Variants in HS6ST3 observed in about 807,000 individuals in gnomAD.
HS6ST3 encodes heparan sulfate 6-O-sulfotransferase 3.
In HS6ST3, 12 loss-of-function variants were observed where a neutral mutation model predicts 36.7. The observed-to-expected ratio is 0.33, with a 90% CI of 0.21 to 0.53. HS6ST3 has a LOEUF of 0.53. Ranked by LOEUF, HS6ST3 falls within the 20% of genes least tolerant of loss-of-function variation. HS6ST3 has a pLI of 0.95. For missense variants in HS6ST3, 584 were observed against 640.9 expected, an observed-to-expected ratio of 0.91 and a Z score of 0.96; for synonymous variants, 240 against 257.5, an observed-to-expected ratio of 0.93 and a Z score of 0.65.
chr13:96,618,265 AT>A (rs1227493224), intron 1 of HS6ST3, among the ~76,000 whole-genome samples: 2 of 151,988 alleles, frequency 1.3e-5, no homozygotes, highest in African/African-American at 2.4e-5. Context: ...CACCTGGATA[AT>A]TTTAAATTTT....
intron 1 of HS6ST3, among the ~76,000 whole-genome samples, chr13:96,750,077 G>A (rs1876661616): frequency 6.6e-6 from 1 of 152,036 alleles, no homozygotes; most frequent in Admixed American, 6.6e-5. Context: ...ATTTATCAAT[G>A]TTATCAGTTT....
At chr13:96,104,929 A>G (rs1181134340) in intron 1 of HS6ST3, among the ~76,000 whole-genome samples, 1 of 152,048 alleles carries the variant, frequency 6.6e-6, no homozygotes, top group African/African-American at 2.4e-5. Flanking sequence ...TGCTTGTCTT[A>G]CTGTACTTGC....
intron 1 of HS6ST3, among the ~76,000 whole-genome samples, chr13:96,512,028 G>T (rs998130621): frequency 2.0e-5 from 3 of 152,080 alleles, no homozygotes; most frequent in Non-Finnish European, 4.4e-5. Flanking sequence ...ATTACATCTA[G>T]AAACTCCTTT....
At chr13:96,507,991 T>C (rs1375278185) in intron 1 of HS6ST3, among the ~76,000 whole-genome samples, 1 of 152,110 alleles carries the variant, frequency 6.6e-6, no homozygotes, top group African/African-American at 2.4e-5. Flanking sequence ...GACGAAGAAC[T>C]TTAAGAGTTG....
chr13:96,728,067 AG>A (rs1876050691), intron 1 of HS6ST3, among the ~76,000 whole-genome samples: 1 of 152,132 alleles, frequency 6.6e-6, no homozygotes, highest in African/African-American at 2.4e-5. Flanking sequence ...AACTTTTTGA[AG>A]GCAAGAACAA....
intron 1 of HS6ST3, among the ~76,000 whole-genome samples, chr13:96,759,617 T>A (rs1353573229): frequency 1.3e-5 from 2 of 151,930 alleles, no homozygotes; most frequent in African/African-American, 4.8e-5. Flanking sequence ...AATCTACATA[T>A]GTTGTTAACC....
At chr13:96,112,578 A>AATATACATATATATACAT (rs397773858) in intron 1 of HS6ST3, among the ~76,000 whole-genome samples, 1 of 81,224 alleles carries the variant, frequency 1.2e-5, no homozygotes, top group Non-Finnish European at 2.3e-5. Context: ...AAAATAAATA[A>AATATACATATATATACAT]ATATATATAT....
intron 1 of HS6ST3, among the ~76,000 whole-genome samples, chr13:96,278,800 G>T (rs1357058784): frequency 6.6e-6 from 1 of 152,130 alleles, no homozygotes; most frequent in Non-Finnish European, 1.5e-5. Flanking sequence ...TAAATGATTT[G>T]AGCAGTATTT....
intron 1 of HS6ST3, among the ~76,000 whole-genome samples, chr13:96,738,618 A>G (rs1876349220): frequency 6.6e-6 from 1 of 150,912 alleles, no homozygotes; most frequent in South Asian, 2.1e-4. Flanking sequence ...CAAAACAGTA[A>G]TGCTGTGTCT....
chr13:96,601,262 T>C (rs1010873510), intron 1 of HS6ST3, among the ~76,000 whole-genome samples: 1 of 152,182 alleles, frequency 6.6e-6, no homozygotes, highest in Admixed American at 6.5e-5. Flanking sequence ...AATAGTTTTT[T>C]TCAAACTTTT....
rs1594872325 is a variant in HS6ST3, at chr13:96,838,914, A to T, written c.*5716A>T. On this transcript the variant is annotated 3_prime_UTR_variant, in exon 2 of 2. Coordinates refer to ENST00000376705, the MANE Select transcript of HS6ST3 (RefSeq NM_153456.4). ...AAAGCCCTTGAACTTCTAGGCAAGG[A>T]CTCATGCTAACCTAGCAGTACTCCA... 6.6e-6 allele frequency: 1 copy of T among 152,232 alleles called. No individual in the cohort carries two copies. Among genetic ancestry groups the T allele is most frequent in the African/African-American group, 2.4e-5 (1 of 41,456 alleles). The allele number at this position is 152,232 out of a possible 1,614,324, so 9.4% of individuals were successfully genotyped here.
At chr13:96,736,202 C>A (rs1420322496) in intron 1 of HS6ST3, among the ~76,000 whole-genome samples, 1 of 152,040 alleles carries the variant, frequency 6.6e-6, no homozygotes, top group Non-Finnish European at 1.5e-5. Flanking sequence ...ACCCACACAT[C>A]CTGCACGTGT....
At chr13:96,780,440 G>C (rs905969577) in intron 1 of HS6ST3, among the ~76,000 whole-genome samples, 1 of 152,114 alleles carries the variant, frequency 6.6e-6, no homozygotes, top group Non-Finnish European at 1.5e-5. Context: ...TCCTGGGGTA[G>C]GGAAGAAGTA....
chr13:96,569,589 G>A (rs2056293875), intron 1 of HS6ST3, among the ~76,000 whole-genome samples: 1 of 152,048 alleles, frequency 6.6e-6, no homozygotes, highest in South Asian at 2.1e-4. Context: ...AAACTGACTT[G>A]CAGTTATTAA....
rs1401723668 is a variant in HS6ST3, at chr13:96,679,040, G to T, written c.708-153450G>T. Among the ~76,000 whole-genome samples the T allele has an allele frequency of 3.3e-5, 5 of 150,602 alleles. No homozygotes were observed. The Admixed American group carries it at 3.3e-4, about 10-fold the overall frequency. On this transcript the variant is annotated intron_variant, in intron 1 of 1. Transcript: ENST00000376705. Reference sequence around the variant, plus strand: ...TATATGTATTTCCTGAGCTGGTCATGGAAGAAAGAAGTCACTCCTGTAGGA... The same window carrying T: ...TATATGTATTTCCTGAGCTGGTCATTGAAGAAAGAAGTCACTCCTGTAGGA...
At chr13:96,566,186 G>A (rs1487652701) in intron 1 of HS6ST3, among the ~76,000 whole-genome samples, 1 of 151,502 alleles carries the variant, frequency 6.6e-6, no homozygotes, top group Non-Finnish European at 1.5e-5. Context: ...GATAATAGGA[G>A]GACAAAATTA....
intron 1 of HS6ST3, among the ~76,000 whole-genome samples, chr13:96,243,327 A>C (rs1337892964): frequency 1.3e-5 from 2 of 152,186 alleles, no homozygotes; most frequent in African/African-American, 4.8e-5. Flanking sequence ...TTGTTTTCTT[A>C]GCAGACCTTA....
intron 1 of HS6ST3, among the ~76,000 whole-genome samples, chr13:96,133,843 G>GTTTT (rs71113979): frequency 7.0e-6 from 1 of 142,158 alleles, no homozygotes; most frequent in African/African-American, 2.6e-5. Flanking sequence ...GAGCTTTTAT[G>GTTTT]TTTTTTTTTT....
chr13:96,764,074 C>A (rs1040472474), intron 1 of HS6ST3, among the ~76,000 whole-genome samples: 1 of 152,188 alleles, frequency 6.6e-6, no homozygotes, highest in Non-Finnish European at 1.5e-5. Flanking sequence ...CTTAATTTAA[C>A]GTTTACTCAC....
Sources: allele counts gnomAD v4.1 joint callset (sites outside exome capture counted in the v4.1 genomes callset), GRCh38; gene constraint gnomAD v4.1.1; transcripts MANE v1.5; gene names NCBI Gene and HGNC (gene_info 2026-07-23, HGNC 2026-07-21).